The following PLEKHF2 variants were observed in gnomAD, a reference collection of about 807,000 sequenced individuals.
PLEKHF2 encodes pleckstrin homology domain-containing family F member 2.
PLEKHF2 carries 4 observed loss-of-function variants against 14.7 expected under a neutral mutation model. That is an observed-to-expected ratio of 0.27 (90% CI 0.13 to 0.62). The LOEUF (loss-of-function observed/expected upper bound fraction) is 0.62. Ranked by LOEUF, PLEKHF2 falls within the 20% of genes least tolerant of loss-of-function variation. The probability of loss-of-function intolerance (pLI) is 0.85; values close to 1 mark genes in which losing one functional copy is unlikely to be tolerated. For missense variants in PLEKHF2, 201 were observed against 307.7 expected, an observed-to-expected ratio of 0.65 and a Z score of 2.60; for synonymous variants, 90 against 103.5, an observed-to-expected ratio of 0.87 and a Z score of 0.79.
intron 1 of PLEKHF2, among the ~76,000 whole-genome samples, chr8:95,135,392 C>A (rs1354035155): frequency 6.6e-6 from 1 of 151,950 alleles, no homozygotes; most frequent in East Asian, 1.9e-4. Context: ...TTCCTTTTTT[C>A]TCTTTTTCCT....
At position 95,155,058 on chromosome 8, in the gene PLEKHF2, A is replaced by C. The variant is rs751468826; in HGVS notation, c.*264A>C. On this transcript the variant is annotated 3_prime_UTR_variant, in exon 2 of 2. Coordinates refer to ENST00000315367, the MANE Select transcript of PLEKHF2 (RefSeq NM_024613.4). ...GTTTATTTTTAGGTTATTTTCTTGG[A>C]AGGTTGGGAAAAGATGTTTGTTTTA... 10 of 419,212 alleles carry C rather than the reference A, an allele frequency of 2.4e-5. No individual in the cohort carries two copies. Among genetic ancestry groups the C allele is most frequent in the Non-Finnish European group, 4.4e-5 (10 of 226,262 alleles). The allele number at this position is 419,212 out of a possible 1,614,324, so 26.0% of individuals were successfully genotyped here.
At chr8:95,142,555 A>AT (rs1229701463) in intron 1 of PLEKHF2, among the ~76,000 whole-genome samples, 1 of 152,102 alleles carries the variant, frequency 6.6e-6, no homozygotes, top group Non-Finnish European at 1.5e-5. Flanking sequence ...TGCCCAAGCT[A>AT]TTTTTTAGAT....
chr8:95,152,263 A>C (rs77758081), intron 1 of PLEKHF2, among the ~76,000 whole-genome samples: 4,300 of 152,116 alleles, frequency 0.028, 212 homozygotes, highest in African/African-American at 0.099. Flanking sequence ...CTTGATGGCT[A>C]TTTGGAGCTT....
chr8:95,135,496 C>T (rs565089880), intron 1 of PLEKHF2, among the ~76,000 whole-genome samples: 316 of 152,208 alleles, frequency 2.1e-3, no homozygotes, highest in Middle Eastern at 3.4e-3. Context: ...CTCAAACTCC[C>T]GGGGCCCAGG....
At chr8:95,141,803 A>T (rs1301563609) in intron 1 of PLEKHF2, among the ~76,000 whole-genome samples, 1 of 151,812 alleles carries the variant, frequency 6.6e-6, no homozygotes, top group Non-Finnish European at 1.5e-5. Flanking sequence ...GCCTTCTAAA[A>T]TGTTGGGGTT....
In PLEKHF2 at chr8:95,145,061, C is replaced by G. The variant is rs144399481; in HGVS notation, c.-14-8970C>G. Among the ~76,000 whole-genome samples the G allele has an allele frequency of 4.2e-3, 645 of 152,108 alleles. 5 individuals are homozygous for G. The highest frequency in any genetic ancestry group is 0.015 in the African/African-American group (619 of 41,492). On this transcript the variant is annotated intron_variant, in intron 1 of 1. Transcript: ENST00000315367. The stretch of plus-strand genomic sequence containing the variant: ...TGTGTGGGTGCTGGGTAAATGTTAA[C>G]TTCCTTTTTTTCTTTCTTGGCTGAG...
Position 95,152,453 on chromosome 8 carries a change from T to C in PLEKHF2, c.-14-1578T>C, listed in dbSNP as rs542549731. The stretch of plus-strand genomic sequence containing the variant: ...GAATCTTAGTAAATTTAAAAATTTT[T>C]ATTAATCTAAGTGAAAAATATACTA... On this transcript the variant is annotated intron_variant, in intron 1 of 1. Coordinates refer to ENST00000315367, the MANE Select transcript of PLEKHF2 (RefSeq NM_024613.4). Among the ~76,000 whole-genome samples, 3 of 152,260 alleles carry C rather than the reference T, an allele frequency of 2.0e-5. No homozygotes were observed. The East Asian group carries it at 5.8e-4, about 29-fold the overall frequency.
intron 1 of PLEKHF2, among the ~76,000 whole-genome samples, chr8:95,147,424 C>T (rs975543669): frequency 1.3e-5 from 2 of 151,854 alleles, no homozygotes; most frequent in African/African-American, 4.8e-5. Context: ...ATGTTGATTT[C>T]ATATTTTATA....
intron 1 of PLEKHF2, among the ~76,000 whole-genome samples, chr8:95,144,812 C>T (rs906879761): frequency 7.7e-5 from 11 of 143,028 alleles, no homozygotes; most frequent in South Asian, 2.2e-4. Flanking sequence ...TGCAGTGAGC[C>T]GAGATATTGC....
chr8:95,156,404 G>A lies in PLEKHF2; in HGVS notation c.*1610G>A, dbSNP rs1005872216. 1 of 166,950 alleles carries A rather than the reference G, an allele frequency of 6.0e-6. No individual in the cohort carries two copies. Among genetic ancestry groups the A allele is most frequent in the African/African-American group, 2.4e-5 (1 of 41,444 alleles). The allele number at this position is 166,950 out of a possible 1,614,324, so 10.3% of individuals were successfully genotyped here. The stretch of plus-strand genomic sequence containing the variant: ...AAATCTCCCTGTAGGAAATGTGAAA[G>A]AAAAGCACAACAAAACTAGGGTTTT... On this transcript the variant is annotated 3_prime_UTR_variant, in exon 2 of 2. Coordinates refer to ENST00000315367, the MANE Select transcript of PLEKHF2 (RefSeq NM_024613.4).
chr8:95,153,044 A>G (rs976258243), intron 1 of PLEKHF2, among the ~76,000 whole-genome samples: 3 of 152,162 alleles, frequency 2.0e-5, no homozygotes, highest in African/African-American at 7.2e-5. Context: ...AATGTTATTA[A>G]CATTTTTTAG....
At chr8:95,149,219 T>G (rs1156931320) in intron 1 of PLEKHF2, among the ~76,000 whole-genome samples, 1 of 152,160 alleles carries the variant, frequency 6.6e-6, no homozygotes, top group Non-Finnish European at 1.5e-5. Flanking sequence ...TTATAGTATT[T>G]CCTTTGCATG....
chr8:95,150,454 A>AAGG, intron 1 of PLEKHF2, among the ~76,000 whole-genome samples: 1 of 152,306 alleles, frequency 6.6e-6, no homozygotes, highest in East Asian at 1.9e-4. Flanking sequence ...CATTGTTGAA[A>AAGG]TAATTATACG....
intron 1 of PLEKHF2, among the ~76,000 whole-genome samples, chr8:95,144,664 C>T (rs911921747): frequency 4.6e-5 from 7 of 152,086 alleles, no homozygotes; most frequent in African/African-American, 1.7e-4. Flanking sequence ...GTCAGGAGTT[C>T]AAGACCAGCC....
At chr8:95,143,790 C>A (rs568408864) in intron 1 of PLEKHF2, among the ~76,000 whole-genome samples, 35 of 152,284 alleles carry the variant, frequency 2.3e-4, no homozygotes, top group African/African-American at 8.4e-4. Context: ...GCTTTGAATA[C>A]CAAGTTAAGG....
At chr8:95,134,212 G>C (rs1355294095) in intron 1 of PLEKHF2, 182 bp downstream of exon 1, 2 of 149,430 alleles carry the variant, frequency 1.3e-5, no homozygotes, top group Non-Finnish European at 3.0e-5. Flanking sequence ...GCTCCCGGCC[G>C]CTCCCCTCGC....
intron 1 of PLEKHF2, among the ~76,000 whole-genome samples, chr8:95,136,362 A>T (rs1810376762): frequency 6.6e-6 from 1 of 151,596 alleles, no homozygotes; most frequent in Non-Finnish European, 1.5e-5. Context: ...ACACACACAC[A>T]CACACACACA....
chr8:95,140,309 G>A (rs954118662), intron 1 of PLEKHF2, among the ~76,000 whole-genome samples: 1 of 152,100 alleles, frequency 6.6e-6, no homozygotes, highest in Non-Finnish European at 1.5e-5. Flanking sequence ...AATTATTGTG[G>A]TTCAGGCTTT....
intron 1 of PLEKHF2, among the ~76,000 whole-genome samples, chr8:95,137,039 G>T (rs1041446958): frequency 2.6e-5 from 4 of 152,222 alleles, no homozygotes; most frequent in Non-Finnish European, 5.9e-5. Context: ...TCAAATAGTT[G>T]CTGTGAATGC....
Sources: gnomAD v4.1 joint callset for allele counts (sites outside exome capture counted in the v4.1 genomes callset) on GRCh38, gnomAD v4.1.1 for gene constraint, MANE v1.5 for transcripts, NCBI Gene and HGNC (gene_info 2026-07-23, HGNC 2026-07-21) for gene names.